BARD1: variants seen among roughly 807,000 people sequenced by gnomAD.
BARD1 encodes the protein BRCA1-associated RING domain protein 1.
Under a neutral mutation model 77.0 loss-of-function variants are expected in BARD1, and 73 were observed. The ratio of observed to expected loss-of-function variants is 0.95; its 90% CI spans 0.79 to 1.15. The LOEUF is 1.15. BARD1 is among the 50% of genes most tolerant of loss of function. The pLI is 0.00. For synonymous variants in BARD1, 384 were observed against 338.0 expected (o/e 1.14, Z -1.49); for missense variants, 993 against 938.8 (o/e 1.06, Z -0.75).
chr2:214,804,205 T>C (rs1411004912), intron 1 of BARD1, among the ~76,000 whole-genome samples: 1 of 152,218 alleles, frequency 6.6e-6, no homozygotes, highest in African/African-American at 2.4e-5. Context: ...GAATAAAGTG[T>C]TTAACAAGTA....
intron 1 of BARD1, 46 bp from the exon 2 acceptor site, chr2:214,797,163 T>TGTTTATCTAAC: frequency 6.9e-7 from 1 of 1,451,502 alleles, no homozygotes; most frequent in Non-Finnish European, 9.7e-7. Context: ...CATTGTTAGA[T>TGTTTATCTAAC]AAACATCTCA....
chr2:214,761,064 G>C (rs1204624219), intron 6 of BARD1, among the ~76,000 whole-genome samples: 1 of 131,736 alleles, frequency 7.6e-6, no homozygotes, highest in East Asian at 2.2e-4. Flanking sequence ...GGATGAACTT[G>C]ATGGGATAAA....
chr2:214,768,691 T>C (rs1292985389), intron 5 of BARD1, among the ~76,000 whole-genome samples: 2 of 152,238 alleles, frequency 1.3e-5, no homozygotes, highest in Non-Finnish European at 2.9e-5. Flanking sequence ...TCCAAGTATT[T>C]GTGTCATTCT....
intron 3 of BARD1, 91 bp downstream of exon 3, chr2:214,792,206 C>A: frequency 5.7e-6 from 6 of 1,046,392 alleles, no homozygotes; most frequent in African/African-American, 1.7e-5. Flanking sequence ...TATTCCAGAA[C>A]TCCAGATAGA....
chr2:214,785,797 TA>T (rs1271488448), intron 3 of BARD1, among the ~76,000 whole-genome samples: 1 of 151,970 alleles, frequency 6.6e-6, no homozygotes, highest in Non-Finnish European at 1.5e-5. Context: ...CTGATAAGAT[TA>T]AAAACAGTAA....
rs184973290 is a variant in BARD1 at position 214,760,786 on chromosome 2, T to C, written c.1568+6696A>G. On this transcript the variant is annotated intron_variant, in intron 6 of 10. Coordinates refer to ENST00000260947, the MANE Select transcript of BARD1 (RefSeq NM_000465.4). Reference sequence around the variant, plus strand: ...GTTCACAGGGACTTTTTTCTTTTTTTTTTTTTTAGATGGAGTCTCGCTCTG... The same window carrying C: ...GTTCACAGGGACTTTTTTCTTTTTTCTTTTTTTAGATGGAGTCTCGCTCTG... Among the ~76,000 whole-genome samples, 222 of 151,566 alleles carry C rather than the reference T, an allele frequency of 1.5e-3. 1 individual carries two copies. The highest frequency in any genetic ancestry group is 5.2e-3 in the African/African-American group (214 of 41,302).
At chr2:214,744,205 G>A (rs150157069) in intron 9 of BARD1, among the ~76,000 whole-genome samples, 1 of 152,286 alleles carries the variant, frequency 6.6e-6, no homozygotes, top group African/African-American at 2.4e-5. Context: ...CTCTGAAGGT[G>A]ATGGTGGGTT....
At chr2:214,793,998 T>A (rs1695643611) in intron 2 of BARD1, among the ~76,000 whole-genome samples, 1 of 152,134 alleles carries the variant, frequency 6.6e-6, no homozygotes, top group Non-Finnish European at 1.5e-5. Flanking sequence ...ATTCCTGTAA[T>A]CTCAGCACTT....
chr2:214,761,966 A>G (rs1338346986), intron 6 of BARD1, among the ~76,000 whole-genome samples: 1 of 152,206 alleles, frequency 6.6e-6, no homozygotes, highest in Non-Finnish European at 1.5e-5. Flanking sequence ...GAAACGTACT[A>G]AATCAACAGC....
At chr2:214,770,690 AG>A (rs1208362999) in intron 4 of BARD1, among the ~76,000 whole-genome samples, 1 of 152,192 alleles carries the variant, frequency 6.6e-6, no homozygotes, top group Non-Finnish European at 1.5e-5. Flanking sequence ...ACTATAAATG[AG>A]TAGACTTTTA....
intron 6 of BARD1, among the ~76,000 whole-genome samples, chr2:214,766,202 A>G (rs1442816813): frequency 6.6e-6 from 1 of 152,174 alleles, no homozygotes; most frequent in Non-Finnish European, 1.5e-5. Flanking sequence ...CCAATTTTAA[A>G]ATCCAGCTGC....
chr2:214,738,739 G>T (rs1692678084), intron 9 of BARD1, among the ~76,000 whole-genome samples: 2 of 152,090 alleles, frequency 1.3e-5, no homozygotes, highest in Middle Eastern at 3.2e-3. Context: ...ACTTCAAAAT[G>T]GAGATCTGTT....
chr2:214,807,210 C>T (rs1312057907), intron 1 of BARD1, among the ~76,000 whole-genome samples: 2 of 148,462 alleles, frequency 1.3e-5, no homozygotes, highest in South Asian at 2.1e-4. Context: ...TATAGAGGTT[C>T]GGATTAAAAA....
intron 5 of BARD1, 78 bp from the exon 6 acceptor site, chr2:214,767,732 G>A (rs1163971177): frequency 1.5e-6 from 2 of 1,338,312 alleles, no homozygotes; most frequent in Admixed American, 1.9e-5. Context: ...TCACACTTTA[G>A]AAAAATAAAT....
At chr2:214,762,704 C>T (rs889498035) in intron 6 of BARD1, among the ~76,000 whole-genome samples, 3 of 152,172 alleles carry the variant, frequency 2.0e-5, no homozygotes, top group Admixed American at 6.5e-5. Context: ...TAGAAACCAA[C>T]TTTATTAATC....
chr2:214,804,279 A>T (rs1018429857), intron 1 of BARD1, among the ~76,000 whole-genome samples: 7 of 152,222 alleles, frequency 4.6e-5, no homozygotes, highest in Non-Finnish European at 8.8e-5. Context: ...AATTAACTAG[A>T]TCTTCTGGTA....
chr2:214,775,461 C>T (rs947595440), intron 4 of BARD1, among the ~76,000 whole-genome samples: 13 of 151,942 alleles, frequency 8.6e-5, no homozygotes, highest in African/African-American at 2.7e-4. Context: ...TTTGTGGTGC[C>T]CCAAAGCAAT....
intron 7 of BARD1, among the ~76,000 whole-genome samples, chr2:214,748,660 CCACTAAATTTTACTTAAAA>C (rs1693256810): frequency 6.6e-6 from 1 of 151,894 alleles, no homozygotes; most frequent in Non-Finnish European, 1.5e-5. Context: ...TTTCCAACAG[CCACTAAATTTTACTTAAAA>C]CATAAAAATT....
intron 7 of BARD1, among the ~76,000 whole-genome samples, chr2:214,751,136 TATATATATATATA>T (rs1559393033): frequency 0.017 from 780 of 46,036 alleles, 175 homozygotes; most frequent in East Asian, 0.04. Context: ...TATATATATA[TATATATATATATA>T]TATTTTTTTT....
Sources: allele counts gnomAD v4.1 joint callset (sites outside exome capture counted in the v4.1 genomes callset), GRCh38; gene constraint gnomAD v4.1.1; transcripts MANE v1.5; gene names NCBI Gene and HGNC (gene_info 2026-07-23, HGNC 2026-07-21).